NAV3: variants seen among roughly 807,000 people sequenced by gnomAD.
NAV3 encodes the protein neuron navigator 3.
In NAV3, 87 loss-of-function variants were observed where a neutral mutation model predicts 244.7. The observed-to-expected ratio is 0.36, with a 90% CI of 0.30 to 0.42. The LOEUF is 0.42. NAV3 is among the 20% of genes least tolerant of loss of function. The pLI is 1.00. For missense variants in NAV3, 2,663 were observed against 2,893.3 expected, an observed-to-expected ratio of 0.92 and a Z score of 1.83; for synonymous variants, 1,126 against 1,042.2, an observed-to-expected ratio of 1.08 and a Z score of -1.55.
intron 3 of NAV3, among the ~76,000 whole-genome samples, chr12:77,957,790 T>C (rs1891509176): frequency 6.6e-6 from 1 of 151,998 alleles, no homozygotes; most frequent in Non-Finnish European, 1.5e-5. Context: ...TTAGCCTCCC[T>C]GGAGTAGCTG....
At chr12:78,037,576 G>A (rs61936197) in intron 9 of NAV3, among the ~76,000 whole-genome samples, 2,485 of 151,804 alleles carry the variant, frequency 0.016, 128 homozygotes, top group Admixed American at 0.11. Flanking sequence ...ACTGAGCTAT[G>A]AGCACCACTG....
In NAV3 at chr12:78,095,811, CAT is replaced by C; in HGVS notation, c.2637-20957_2637-20956del. Among the ~76,000 whole-genome samples the C allele has an allele frequency of 2.0e-5, 3 of 152,244 alleles. 1 individual carries two copies. The South Asian group carries it at 6.2e-4, about 32-fold the overall frequency. ...TTCCATGATAGTACTCAGAATGAAT[CAT>C]ATAGTTGTACAGGTTGAATCCCACC... is the stretch of plus-strand genomic sequence containing the variant. On this transcript the variant is annotated intron_variant, in intron 12 of 39. Coordinates refer to ENST00000397909, the MANE Select transcript of NAV3 (RefSeq NM_001024383.2).
intron 5 of NAV3, among the ~76,000 whole-genome samples, chr12:77,971,342 A>T (rs1369652964): frequency 6.6e-6 from 1 of 152,126 alleles, no homozygotes; most frequent in African/African-American, 2.4e-5. Context: ...ATAGAGTAAC[A>T]GCTTTAATAA....
At chr12:77,703,094 A>G (rs1226828852) in intron 2 of NAV3, among the ~76,000 whole-genome samples, 2 of 152,034 alleles carry the variant, frequency 1.3e-5, no homozygotes, top group South Asian at 2.1e-4. Flanking sequence ...GTCGTTTGAT[A>G]AGTTTTATAA....
chr12:77,782,273 C>T (rs945361839), intron 2 of NAV3, among the ~76,000 whole-genome samples: 2 of 151,080 alleles, frequency 1.3e-5, no homozygotes, highest in Admixed American at 1.3e-4. Flanking sequence ...CCCTTGCCTC[C>T]CTTCCCGTCC....
rs1423298850 is a variant in NAV3, at chr12:77,963,808, TTTG to T, written c.415-2409_415-2407del. ...ATAAAAAAGAATGTATTATCGATCA[TTTG>T]TTGTTGTTGTTCTCCTTCCCCTTCC... On this transcript the variant is annotated intron_variant, in intron 3 of 39. Coordinates refer to ENST00000397909, the MANE Select transcript of NAV3 (RefSeq NM_001024383.2). 1.2e-4 allele frequency among the ~76,000 whole-genome samples: 18 copies of T among 151,974 alleles called. No individual in the cohort carries two copies. In the East Asian group the frequency reaches 2.9e-3, roughly 25 times the overall value.
At chr12:77,851,868 T>C (rs753804812) in intron 1 of NAV3, among the ~76,000 whole-genome samples, 2 of 152,216 alleles carry the variant, frequency 1.3e-5, no homozygotes, top group Non-Finnish European at 2.9e-5. Flanking sequence ...TAAGTAGTAC[T>C]TGCCAGATGC....
intron 2 of NAV3, among the ~76,000 whole-genome samples, chr12:77,677,292 T>C (rs539550699): frequency 6.6e-6 from 1 of 152,334 alleles, no homozygotes; most frequent in South Asian, 2.1e-4. Context: ...TGGCTATTTA[T>C]CCATTACAAA....
intron 2 of NAV3, among the ~76,000 whole-genome samples, chr12:77,693,194 T>G (rs1875118470): frequency 6.6e-6 from 1 of 152,114 alleles, no homozygotes; most frequent in South Asian, 2.1e-4. Flanking sequence ...AATAAAGTTA[T>G]AGTAATTATG....
chr12:77,831,756 C>G (rs778764310), intron 1 of NAV3, 52 bp downstream of exon 1: 4 of 1,530,842 alleles, frequency 2.6e-6, no homozygotes, highest in Non-Finnish European at 3.5e-6. Flanking sequence ...GCACATTTCT[C>G]TTTAAGTGCA....
At chr12:77,994,166 A>AAGTT in intron 5 of NAV3, among the ~76,000 whole-genome samples, 1 of 152,232 alleles carries the variant, frequency 6.6e-6, no homozygotes, top group East Asian at 1.9e-4. Context: ...AGTATTTGTT[A>AAGTT]AGTTGTTTAT....
At position 78,211,351 on chromosome 12, in the gene NAV3, A is replaced by G. The variant is rs1033138165; in HGVS notation, c.*834A>G. ...GTGCTGTCTCACTGCCTTAAAACAG[A>G]TTTCTATGACAGTTTAACAGTTGGT... On this transcript the variant is annotated 3_prime_UTR_variant, in exon 40 of 40. Coordinates refer to ENST00000397909, the MANE Select transcript of NAV3 (RefSeq NM_001024383.2). 6.6e-6 allele frequency: 1 copy of G among 152,538 alleles called. No individual in the cohort carries two copies. Among genetic ancestry groups the G allele is most frequent in the Non-Finnish European group, 1.5e-5 (1 of 68,022 alleles). 9.4% of individuals were successfully genotyped at this position (152,538 alleles called of 1,614,324 possible).
intron 17 of NAV3, 118 bp downstream of exon 17, chr12:78,127,326 C>CTT (rs1955955927): frequency 9.8e-7 from 1 of 1,018,286 alleles, no homozygotes; most frequent in Non-Finnish European, 1.5e-6. Flanking sequence ...GACGAAATCA[C>CTT]TTTTAATTTT....
At chr12:77,657,639 G>A (rs1451227366) in intron 2 of NAV3, among the ~76,000 whole-genome samples, 1 of 152,138 alleles carries the variant, frequency 6.6e-6, no homozygotes, top group Non-Finnish European at 1.5e-5. Context: ...CCAAAGCCGG[G>A]CAGAGATACA....
chr12:77,661,632 C>A (rs1283176725), intron 2 of NAV3, among the ~76,000 whole-genome samples: 2 of 151,912 alleles, frequency 1.3e-5, no homozygotes, highest in Non-Finnish European at 2.9e-5. Context: ...AATGCCAGGC[C>A]CCCCAAATTT....
chr12:78,159,148 T>C (rs1957421703), intron 22 of NAV3, 55 bp from the exon 23 acceptor site: 1 of 1,461,152 alleles, frequency 6.8e-7, no homozygotes, highest in African/African-American at 1.4e-5. Context: ...AGGCTTTTCA[T>C]CCATCCACAT....
intron 2 of NAV3, among the ~76,000 whole-genome samples, chr12:77,623,438 A>C (rs1871471049): frequency 6.6e-6 from 1 of 152,202 alleles, no homozygotes; most frequent in Non-Finnish European, 1.5e-5. Context: ...AGGAAAATGA[A>C]GCCTCCTGCA....
At chr12:78,016,774 A>G (rs1006234987) in intron 8 of NAV3, among the ~76,000 whole-genome samples, 29 of 152,162 alleles carry the variant, frequency 1.9e-4, no homozygotes, top group African/African-American at 6.0e-4. Flanking sequence ...TTGAATACAA[A>G]TCAGTATGCA....
intron 8 of NAV3, among the ~76,000 whole-genome samples, chr12:78,021,069 A>G (rs979675611): frequency 6.6e-6 from 1 of 152,200 alleles, no homozygotes; most frequent in African/African-American, 2.4e-5. Flanking sequence ...ACATGCATGA[A>G]GTATGATTAG....
Sources: gnomAD v4.1 joint callset for allele counts (sites outside exome capture counted in the v4.1 genomes callset) on GRCh38, gnomAD v4.1.1 for gene constraint, MANE v1.5 for transcripts, NCBI Gene and HGNC (gene_info 2026-07-23, HGNC 2026-07-21) for gene names.